The following CSMD1 variants were observed in gnomAD, a reference collection of about 807,000 sequenced individuals.
The protein encoded by CSMD1 is CUB and sushi domain-containing protein 1.
Under a neutral mutation model 417.5 loss-of-function variants are expected in CSMD1, and 213 were observed. The observed-to-expected ratio is 0.51, with a 90% CI of 0.46 to 0.57. The LOEUF (loss-of-function observed/expected upper bound fraction) is 0.57. CSMD1 is among the 20% of genes least tolerant of loss of function. CSMD1 has a pLI of 0.00. For missense variants in CSMD1, 6,923 were observed against 4,529.7 expected (o/e 1.53, Z -15.17); for synonymous variants, 2,862 against 1,736.8 (o/e 1.65, Z -16.11).
chr8:4,912,973 G>C (rs12056326), intron 1 of CSMD1, among the ~76,000 whole-genome samples: 113 of 152,240 alleles, frequency 7.4e-4, no homozygotes, highest in African/African-American at 2.6e-3. Flanking sequence ...ATTTTTAGTA[G>C]AGATGGGGTT....
At chr8:3,035,258 C>T (rs952080212) in intron 50 of CSMD1, among the ~76,000 whole-genome samples, 2 of 152,154 alleles carry the variant, frequency 1.3e-5, no homozygotes, top group Non-Finnish European at 2.9e-5. Context: ...CAGAGACGCG[C>T]ATCTGTTTAA....
intron 3 of CSMD1, among the ~76,000 whole-genome samples, chr8:4,288,544 T>C (rs1313318451): frequency 1.3e-5 from 2 of 152,222 alleles, no homozygotes; most frequent in East Asian, 3.9e-4. Flanking sequence ...CCTGTCCTTA[T>C]GACTTGTCCT....
intron 26 of CSMD1, among the ~76,000 whole-genome samples, chr8:3,232,767 C>A (rs1364115413): frequency 6.6e-6 from 1 of 152,086 alleles, no homozygotes; most frequent in Admixed American, 6.6e-5. Context: ...TGTGCACCCC[C>A]ATATGCTCTA....
intron 3 of CSMD1, among the ~76,000 whole-genome samples, chr8:4,228,403 A>G (rs1801496835): frequency 6.6e-6 from 1 of 151,986 alleles, no homozygotes. Flanking sequence ...TCTATGCCCC[A>G]TATTTTGCTG....
At chr8:3,100,030 G>C (rs571068423) in intron 46 of CSMD1, among the ~76,000 whole-genome samples, 1 of 143,928 alleles carries the variant, frequency 6.9e-6, no homozygotes, top group South Asian at 2.4e-4. Context: ...GGTGTTTTGA[G>C]GTTTGGTTTT....
chr8:3,298,185 T>G (rs1804114567), intron 25 of CSMD1, among the ~76,000 whole-genome samples: 1 of 152,146 alleles, frequency 6.6e-6, no homozygotes, highest in African/African-American at 2.4e-5. Context: ...TAGCACCTAA[T>G]ACTGTGGAAG....
At chr8:4,005,196 C>T (rs1563309054) in intron 4 of CSMD1, among the ~76,000 whole-genome samples, 1 of 152,098 alleles carries the variant, frequency 6.6e-6, no homozygotes, top group Non-Finnish European at 1.5e-5. Flanking sequence ...GTGCATACTG[C>T]ACAGGTGGTG....
chr8:4,585,135 G>A (rs1799635571), intron 2 of CSMD1, among the ~76,000 whole-genome samples: 1 of 151,066 alleles, frequency 6.6e-6, no homozygotes, highest in African/African-American at 2.4e-5. Flanking sequence ...AGACTAACAG[G>A]AAGTGTAGAT....
At chr8:4,820,891 G>T (rs1257583716) in intron 1 of CSMD1, among the ~76,000 whole-genome samples, 1 of 152,162 alleles carries the variant, frequency 6.6e-6, no homozygotes, top group Non-Finnish European at 1.5e-5. Context: ...GGTGATTTGA[G>T]ATTTTTCTCT....
chr8:3,550,394 T>G (rs1243788154), intron 10 of CSMD1, among the ~76,000 whole-genome samples: 1 of 152,156 alleles, frequency 6.6e-6, no homozygotes, highest in Non-Finnish European at 1.5e-5. Flanking sequence ...TTCCCCATCT[T>G]CACAACCTCC....
intron 6 of CSMD1, among the ~76,000 whole-genome samples, chr8:3,748,918 T>C (rs1797184710): frequency 6.6e-6 from 1 of 152,218 alleles, no homozygotes; most frequent in Admixed American, 6.5e-5. Flanking sequence ...ATGTTCCCTA[T>C]AAAAATTGGA....
chr8:3,876,362 G>C (rs1370020990), intron 5 of CSMD1, among the ~76,000 whole-genome samples: 1 of 152,172 alleles, frequency 6.6e-6, no homozygotes, highest in Admixed American at 6.5e-5. Context: ...TTCATGTATA[G>C]TGTTGTCCTA....
chr8:4,699,867 C>G (rs145855548), intron 1 of CSMD1, among the ~76,000 whole-genome samples: 1 of 152,090 alleles, frequency 6.6e-6, no homozygotes, highest in African/African-American at 2.4e-5. Context: ...CGAGCAAGAA[C>G]AAGAGACAAA....
At chr8:4,018,140 A>T (rs1585140612) in intron 4 of CSMD1, among the ~76,000 whole-genome samples, 1 of 152,136 alleles carries the variant, frequency 6.6e-6, no homozygotes, top group African/African-American at 2.4e-5. Flanking sequence ...GTGTGTTTTT[A>T]TGTCTTTTTT....
At chr8:4,769,010 C>A (rs940188221) in intron 1 of CSMD1, among the ~76,000 whole-genome samples, 1 of 152,014 alleles carries the variant, frequency 6.6e-6, no homozygotes, top group Non-Finnish European at 1.5e-5. Context: ...ACCAATATAC[C>A]TGACTGTAAG....
intron 5 of CSMD1, among the ~76,000 whole-genome samples, chr8:3,827,057 T>C (rs927611981): frequency 2.6e-5 from 4 of 152,198 alleles, no homozygotes; most frequent in South Asian, 2.1e-4. Flanking sequence ...GTTGACATTA[T>C]AGGCATGAGC....
intron 1 of CSMD1, among the ~76,000 whole-genome samples, chr8:4,765,394 T>A (rs1051152885): frequency 2.0e-5 from 3 of 152,200 alleles, no homozygotes; most frequent in Non-Finnish European, 1.5e-5. Flanking sequence ...AGATAATACA[T>A]TGAGGATTAT....
chr8:4,066,008 G>C (rs957474533), intron 3 of CSMD1, among the ~76,000 whole-genome samples: 1 of 152,166 alleles, frequency 6.6e-6, no homozygotes, highest in East Asian at 1.9e-4. Context: ...CCTTCTCCAC[G>C]AATATCCTTG....
intron 10 of CSMD1, among the ~76,000 whole-genome samples, chr8:3,564,811 G>C (rs1799629495): frequency 6.6e-6 from 1 of 151,992 alleles, no homozygotes; most frequent in East Asian, 1.9e-4. Flanking sequence ...GAGGGAAGTA[G>C]TCACCAAAAC....
Sources: gnomAD v4.1 joint callset for allele counts (sites outside exome capture counted in the v4.1 genomes callset) on GRCh38, gnomAD v4.1.1 for gene constraint, MANE v1.5 for transcripts, NCBI Gene and HGNC (gene_info 2026-07-23, HGNC 2026-07-21) for gene names.